The following MED13L variants were observed in gnomAD, a reference collection of about 807,000 sequenced individuals.
MED13L encodes mediator of RNA polymerase II transcription subunit 13-like.
A neutral mutation model predicts 220.9 loss-of-function variants in MED13L; 7 were observed. The ratio of observed to expected loss-of-function variants is 0.03; its 90% CI spans 0.02 to 0.06. The LOEUF (loss-of-function observed/expected upper bound fraction) is 0.06, where lower values mean the gene tolerates loss of function less well. Ranked by LOEUF, MED13L falls within the 10% of genes least tolerant of loss-of-function variation. MED13L has a pLI of 1.00. For missense variants in MED13L, 1,965 were observed against 2,760.5 expected, an observed-to-expected ratio of 0.71 and a Z score of 6.46; for synonymous variants, 1,011 against 1,015.2, an observed-to-expected ratio of 1.00 and a Z score of 0.08.
chr12:116,010,768 G>A (rs1282009959), intron 9 of MED13L, among the ~76,000 whole-genome samples: 2 of 152,150 alleles, frequency 1.3e-5, no homozygotes, highest in Non-Finnish European at 2.9e-5. Flanking sequence ...GAAATCCAGT[G>A]ACAGATTACA....
intron 2 of MED13L, among the ~76,000 whole-genome samples, chr12:116,139,447 G>T (rs926666778): frequency 6.6e-6 from 1 of 151,888 alleles, no homozygotes; most frequent in Non-Finnish European, 1.5e-5. Flanking sequence ...TTATAAATCC[G>T]CCAAGTGATC....
chr12:116,020,132 T>A (rs1009078816), intron 5 of MED13L, among the ~76,000 whole-genome samples, 160 bp from the exon 6 acceptor site: 2 of 152,226 alleles, frequency 1.3e-5, no homozygotes, highest in Admixed American at 6.5e-5. Context: ...GAAATTTTTT[T>A]AAAAATTATT....
intron 4 of MED13L, among the ~76,000 whole-genome samples, chr12:116,042,418 G>A (rs535676596): frequency 6.6e-6 from 1 of 152,284 alleles, no homozygotes; most frequent in East Asian, 1.9e-4. Context: ...AGCTGTGCCT[G>A]TTTTAAAATA....
At chr12:116,207,402 T>C (rs781046644) in intron 2 of MED13L, among the ~76,000 whole-genome samples, 1 of 152,220 alleles carries the variant, frequency 6.6e-6, no homozygotes, top group Non-Finnish European at 1.5e-5. Flanking sequence ...ACAAGCTACA[T>C]AAAGCCCAGA....
At chr12:116,050,446 C>T (rs1566031043) in intron 4 of MED13L, among the ~76,000 whole-genome samples, 1 of 151,890 alleles carries the variant, frequency 6.6e-6, no homozygotes, top group African/African-American at 2.4e-5. Flanking sequence ...AAATGAACAC[C>T]ACTGAGACAC....
intron 4 of MED13L, among the ~76,000 whole-genome samples, chr12:116,064,780 C>G (rs1869787619): frequency 6.6e-6 from 1 of 152,234 alleles, no homozygotes; most frequent in South Asian, 2.1e-4. Flanking sequence ...TGGTACGGCA[C>G]TGAGACTCGT....
At chr12:116,180,237 A>G (rs575494440) in intron 2 of MED13L, among the ~76,000 whole-genome samples, 1 of 152,314 alleles carries the variant, frequency 6.6e-6, no homozygotes, top group African/African-American at 2.4e-5. Flanking sequence ...CCAAATGTCA[A>G]TACAGGTTGA....
At chr12:116,236,357 T>G (rs1428176510) in intron 2 of MED13L, among the ~76,000 whole-genome samples, 1 of 152,206 alleles carries the variant, frequency 6.6e-6, no homozygotes, top group African/African-American at 2.4e-5. Context: ...CTCTGGCTGC[T>G]GTGGCAGGAG....
At chr12:116,031,704 A>T (rs1294450356) in intron 4 of MED13L, among the ~76,000 whole-genome samples, 5 of 48,384 alleles carry the variant, frequency 1.0e-4, no homozygotes, top group African/African-American at 3.7e-4. Context: ...AGAAAAGAAA[A>T]GAAAAGAAAA....
intron 3 of MED13L, among the ~76,000 whole-genome samples, chr12:116,102,298 G>C (rs1286739730): frequency 2.6e-5 from 4 of 152,176 alleles, no homozygotes; most frequent in Admixed American, 2.6e-4. Flanking sequence ...CACCAGAGCA[G>C]CCACAGCCTA....
At chr12:116,185,252 GA>G (rs1880804509) in intron 2 of MED13L, among the ~76,000 whole-genome samples, 1 of 151,264 alleles carries the variant, frequency 6.6e-6, no homozygotes, top group African/African-American at 2.4e-5. Context: ...ATAACCAAAA[GA>G]AAACCAAAAA....
chr12:116,111,409 C>T lies in MED13L; in HGVS notation c.395+19G>A. On this transcript the variant is annotated intron_variant, in intron 3 of 30. Transcript: ENST00000281928. The stretch of plus-strand genomic sequence containing the variant: ...TACTTGGTTGTCTGCAAACCACTGT[C>T]TGCTGTTCCTTCTCTTACCTTTCTA... The T allele has an allele frequency of 6.2e-7, 1 of 1,603,750 alleles. No homozygotes were observed. The highest frequency in any genetic ancestry group is 8.5e-7 in the Non-Finnish European group (1 of 1,171,526).
At chr12:116,002,838 C>A (rs1878830944) in intron 14 of MED13L, among the ~76,000 whole-genome samples, 165 bp downstream of exon 14, 1 of 152,172 alleles carries the variant, frequency 6.6e-6, no homozygotes, top group South Asian at 2.1e-4. Context: ...GATTAGCTGC[C>A]TGCCATCTCA....
rs1316962979 is a variant in MED13L at position 116,164,105 on chromosome 12, C to G, written c.311-52593G>C. Among the ~76,000 whole-genome samples, 2 of 152,146 alleles carry G rather than the reference C, an allele frequency of 1.3e-5. 1 individual carries two copies. Among genetic ancestry groups the G allele is most frequent in the Admixed American group, 1.3e-4 (2 of 15,274 alleles). ...AAAGAAACAGGTCCATTCACAAGTT[C>G]ACGAGCTATGACTGGGTTCAATGCT... On this transcript the variant is annotated intron_variant, in intron 2 of 30. Transcript: ENST00000281928.
intron 2 of MED13L, among the ~76,000 whole-genome samples, chr12:116,155,207 T>C (rs977298089): frequency 3.2e-4 from 48 of 152,102 alleles, no homozygotes; most frequent in African/African-American, 1.1e-3. Flanking sequence ...GAGGATTACT[T>C]GAGTCCAGGA....
chr12:116,246,634 C>T (rs1398016669), intron 1 of MED13L, among the ~76,000 whole-genome samples: 1 of 147,792 alleles, frequency 6.8e-6, no homozygotes, highest in African/African-American at 2.5e-5. Flanking sequence ...ACAGCAAGAC[C>T]TTGTCTCTAT....
Position 116,205,263 on chromosome 12 carries a change from G to A in MED13L, c.310+32205C>T, listed in dbSNP as rs7297684. Among the ~76,000 whole-genome samples, 1,004 of 152,092 alleles carry A rather than the reference G, an allele frequency of 6.6e-3. 9 individuals are homozygous for A. Among genetic ancestry groups the A allele is most frequent in the African/African-American group, 0.023 (939 of 41,500 alleles). Reference sequence around the variant, plus strand: ...TTAACTATGTATTCCAACAATACACGATAAATGAGATGGCACTTCAAAAAG... The same window carrying A: ...TTAACTATGTATTCCAACAATACACAATAAATGAGATGGCACTTCAAAAAG... On this transcript the variant is annotated intron_variant, in intron 2 of 30. Transcript: ENST00000281928.
At chr12:115,964,430 G>A (rs977425378) in intron 29 of MED13L, among the ~76,000 whole-genome samples, 86 of 152,112 alleles carry the variant, frequency 5.7e-4, no homozygotes, top group Non-Finnish European at 1.0e-3. Context: ...GGTGATACCA[G>A]GACACTACAT....
intron 3 of MED13L, among the ~76,000 whole-genome samples, chr12:116,105,578 G>A (rs1436442118): frequency 6.6e-6 from 1 of 152,014 alleles, no homozygotes; most frequent in African/African-American, 2.4e-5. Flanking sequence ...TGTACCAGAA[G>A]AAGCCAATAA....
Sources: gnomAD v4.1 joint callset for allele counts (sites outside exome capture counted in the v4.1 genomes callset) on GRCh38, gnomAD v4.1.1 for gene constraint, MANE v1.5 for transcripts, NCBI Gene and HGNC (gene_info 2026-07-23, HGNC 2026-07-21) for gene names.